Variants in ERI3 observed in about 807,000 individuals in gnomAD.
ERI3 encodes ERI1 exoribonuclease 3.
Under a neutral mutation model 44.4 loss-of-function variants are expected in ERI3, and 18 were observed. The ratio of observed to expected loss-of-function variants is 0.41; its 90% CI spans 0.28 to 0.60. The LOEUF (loss-of-function observed/expected upper bound fraction) is 0.60, where lower values mean the gene tolerates loss of function less well. Ranked by LOEUF, ERI3 falls within the 20% of genes least tolerant of loss-of-function variation. The pLI, the probability that ERI3 is intolerant of heterozygous loss-of-function variation, is 0.36. For synonymous variants in ERI3, 183 were observed against 164.8 expected, an observed-to-expected ratio of 1.11 and a Z score of -0.84; for missense variants, 294 against 435.5, an observed-to-expected ratio of 0.68 and a Z score of 2.89.
chr1:44,335,763 C>T (rs763561882), intron 3 of ERI3, among the ~76,000 whole-genome samples: 5 of 142,398 alleles, frequency 3.5e-5, no homozygotes, highest in Non-Finnish European at 7.5e-5. Context: ...GCAACAAGAG[C>T]GAAACTCCAT....
intron 3 of ERI3, among the ~76,000 whole-genome samples, chr1:44,335,570 A>C (rs970121958): frequency 6.6e-6 from 1 of 151,842 alleles, no homozygotes; most frequent in Non-Finnish European, 1.5e-5. Context: ...GACCAGCCTG[A>C]CCAACATGGA....
intron 3 of ERI3, among the ~76,000 whole-genome samples, chr1:44,335,776 CAAAAAA>C (rs58557158): frequency 1.4e-5 from 1 of 72,806 alleles, no homozygotes. Context: ...AACTCCATCT[CAAAAAA>C]AAAAAAAAAA....
intron 3 of ERI3, 43 bp downstream of exon 3, chr1:44,339,002 C>T (rs1397260320): frequency 1.9e-6 from 3 of 1,597,060 alleles, no homozygotes; most frequent in East Asian, 2.2e-5. Flanking sequence ...TCCCTCCCTC[C>T]TTGCCCCCCC....
At chr1:44,342,652 T>C (rs1419117245) in intron 2 of ERI3, among the ~76,000 whole-genome samples, 1 of 145,674 alleles carries the variant, frequency 6.9e-6, no homozygotes, top group Non-Finnish European at 1.5e-5. Flanking sequence ...ATTGCCTTCT[T>C]GTTTTTTTTT....
chr1:44,353,450 T>C, intron 1 of ERI3: 1 of 985,442 alleles, frequency 1.0e-6, no homozygotes, highest in East Asian at 1.1e-4. Context: ...CTATCATCCT[T>C]TTCAACTAAT....
intron 7 of ERI3, among the ~76,000 whole-genome samples, chr1:44,274,608 T>G (rs1301013519): frequency 6.6e-6 from 1 of 152,150 alleles, no homozygotes; most frequent in Non-Finnish European, 1.5e-5. Context: ...CTTTCCCTCC[T>G]CTATCTCTGG....
At chr1:44,244,971 A>AC (rs1174737343) in intron 8 of ERI3, among the ~76,000 whole-genome samples, 27 of 151,208 alleles carry the variant, frequency 1.8e-4, no homozygotes, top group South Asian at 6.3e-4. Flanking sequence ...ATGCTGCCTT[A>AC]CCCCCCCAGC....
intron 2 of ERI3, among the ~76,000 whole-genome samples, chr1:44,341,420 G>A (rs1258737589): frequency 6.6e-6 from 1 of 152,070 alleles, no homozygotes; most frequent in Admixed American, 6.5e-5. Flanking sequence ...CCAGATTCTG[G>A]GCCTACAAAT....
chr1:44,257,805 G>A (rs1478408448), intron 7 of ERI3, among the ~76,000 whole-genome samples: 1 of 152,248 alleles, frequency 6.6e-6, no homozygotes, highest in African/African-American at 2.4e-5. Flanking sequence ...CATCCCTGGT[G>A]ATAGCTGACC....
At chr1:44,337,674 T>C (rs226063) in intron 3 of ERI3, among the ~76,000 whole-genome samples, 38,170 of 152,080 alleles carry the variant, frequency 0.25, 5,261 homozygotes, top group South Asian at 0.42. Context: ...TAAGGGAGTA[T>C]AGGAAAGAGG....
At chr1:44,273,446 A>C (rs1404263095) in intron 7 of ERI3, among the ~76,000 whole-genome samples, 1 of 152,156 alleles carries the variant, frequency 6.6e-6, no homozygotes, top group African/African-American at 2.4e-5. Flanking sequence ...TCATTTCTCT[A>C]AGTTTATTTG....
intron 2 of ERI3, among the ~76,000 whole-genome samples, chr1:44,342,867 T>C (rs1452702654): frequency 2.7e-5 from 1 of 36,446 alleles, no homozygotes; most frequent in East Asian, 9.6e-4. Flanking sequence ...ATTTTTTTTT[T>C]TTTTTTTTTT....
chr1:44,326,135 C>T (rs185196955), intron 3 of ERI3, among the ~76,000 whole-genome samples: 1 of 152,310 alleles, frequency 6.6e-6, no homozygotes, highest in African/African-American at 2.4e-5. Flanking sequence ...ATTCCTTCAA[C>T]CCTCGGAAGA....
In ERI3 at chr1:44,315,687, G is replaced by GATTT. The variant is rs1436567110; in HGVS notation, c.607-2460_607-2459insAAAT. ...GCTCAGTAAAGCATGGCTCACAGCTGAGCTCCTCAAGGATTTGCATTTAGC... is the reference window on the plus strand; with the variant it reads ...GCTCAGTAAAGCATGGCTCACAGCTGATTTAGCTCCTCAAGGATTTGCATTTAGC... On this transcript the variant is annotated intron_variant, in intron 4 of 8. Coordinates refer to ENST00000372257, the MANE Select transcript of ERI3 (RefSeq NM_024066.3). 2.0e-4 allele frequency among the ~76,000 whole-genome samples: 31 copies of GATTT among 152,338 alleles called. 1 individual carries two copies. In the South Asian group the frequency reaches 5.8e-3, roughly 29 times the overall value.
At chr1:44,353,956 T>C (rs1646946449) in intron 1 of ERI3, 4 of 984,846 alleles carry the variant, frequency 4.1e-6, no homozygotes, top group Non-Finnish European at 4.8e-6. Context: ...ATTAGTGGAG[T>C]CACACTCCAA....
intron 7 of ERI3, among the ~76,000 whole-genome samples, chr1:44,253,695 G>A (rs146542370): frequency 1.3e-3 from 197 of 152,294 alleles, no homozygotes; most frequent in Middle Eastern, 6.8e-3. Flanking sequence ...CCTGCAGTCC[G>A]GGGCTGCTGT....
intron 7 of ERI3, among the ~76,000 whole-genome samples, chr1:44,273,740 G>A (rs1449893001): frequency 6.6e-6 from 1 of 152,226 alleles, no homozygotes; most frequent in Non-Finnish European, 1.5e-5. Flanking sequence ...CCAGAGATGG[G>A]GGAACATCAG....
intron 7 of ERI3, among the ~76,000 whole-genome samples, chr1:44,258,799 T>A (rs1054870570): frequency 6.6e-6 from 1 of 151,992 alleles, no homozygotes; most frequent in African/African-American, 2.4e-5. Context: ...GTAGATAAGA[T>A]CACCCAGGAA....
At chr1:44,254,783 TCA>T (rs1448190521) in intron 7 of ERI3, among the ~76,000 whole-genome samples, 1 of 151,838 alleles carries the variant, frequency 6.6e-6, no homozygotes, top group Non-Finnish European at 1.5e-5. Flanking sequence ...ACCTGCTCCT[TCA>T]CCTCCCCTGT....
Sources: gnomAD v4.1 joint callset for allele counts (sites outside exome capture counted in the v4.1 genomes callset) on GRCh38, gnomAD v4.1.1 for gene constraint, MANE v1.5 for transcripts, NCBI Gene and HGNC (gene_info 2026-07-23, HGNC 2026-07-21) for gene names.